Variants in EGFLAM observed in about 807,000 individuals in gnomAD.
EGFLAM encodes the protein EGF like, fibronectin type III and laminin G domains.
EGFLAM carries 79 observed loss-of-function variants against 113.1 expected under a neutral mutation model. That is an observed-to-expected ratio of 0.70 (90% CI 0.58 to 0.84). The LOEUF (loss-of-function observed/expected upper bound fraction) is 0.84, where lower values mean the gene tolerates loss of function less well. Ranked by LOEUF, EGFLAM falls within the 40% of genes least tolerant of loss-of-function variation. The probability of loss-of-function intolerance (pLI) is 0.00; values close to 1 mark genes in which losing one functional copy is unlikely to be tolerated. For missense variants in EGFLAM, 1,265 were observed against 1,291.6 expected (o/e 0.98, Z 0.32); for synonymous variants, 504 against 487.6 (o/e 1.03, Z -0.44).
intron 4 of EGFLAM, among the ~76,000 whole-genome samples, chr5:38,351,433 G>A (rs553382499): frequency 1.2e-4 from 19 of 152,236 alleles, no homozygotes; most frequent in Non-Finnish European, 1.3e-4. Context: ...GGACTGCACC[G>A]GAAGCTGTGG....
At chr5:38,294,895 G>A (rs1363950590) in intron 1 of EGFLAM, among the ~76,000 whole-genome samples, 1 of 151,956 alleles carries the variant, frequency 6.6e-6, no homozygotes, top group Non-Finnish European at 1.5e-5. Flanking sequence ...GCGCAGTCTC[G>A]GCTCACCACA....
chr5:38,395,022 C>T (rs1740920437), intron 6 of EGFLAM, among the ~76,000 whole-genome samples: 1 of 151,830 alleles, frequency 6.6e-6, no homozygotes, highest in South Asian at 2.1e-4. Flanking sequence ...CTCACTACAA[C>T]CTTCGCCTCC....
chr5:38,405,558 A>G (rs1741258638), intron 6 of EGFLAM, among the ~76,000 whole-genome samples: 1 of 152,200 alleles, frequency 6.6e-6, no homozygotes, highest in Non-Finnish European at 1.5e-5. Context: ...CTATAGATAT[A>G]CTATAAATAA....
Position 38,370,276 on chromosome 5 carries a change from T to A in EGFLAM, c.546-20T>A. ...GGTATTTCTGAACTACTGCTTCTTC[T>A]GTTTTTCTAATCAATAAAGGCCAGA... On this transcript the variant is annotated intron_variant, in intron 5 of 21. Coordinates refer to ENST00000322350, the MANE Select transcript of EGFLAM (RefSeq NM_152403.4). 6.2e-7 allele frequency: 1 copy of A among 1,605,360 alleles called. No individual in the cohort carries two copies. The highest frequency in any genetic ancestry group is 8.5e-7 in the Non-Finnish European group (1 of 1,174,366).
At chr5:38,359,179 C>T (rs1282429963) in intron 5 of EGFLAM, among the ~76,000 whole-genome samples, 1 of 152,154 alleles carries the variant, frequency 6.6e-6, no homozygotes, top group Admixed American at 6.5e-5. Context: ...GAAAAACGTT[C>T]CTCATCACTG....
intron 1 of EGFLAM, among the ~76,000 whole-genome samples, chr5:38,275,306 T>C (rs898156743): frequency 7.2e-5 from 11 of 152,196 alleles, no homozygotes; most frequent in African/African-American, 2.7e-4. Context: ...GACCCATCTA[T>C]GCACTGCTTA....
intron 1 of EGFLAM, among the ~76,000 whole-genome samples, chr5:38,264,216 C>T (rs1359229156): frequency 6.6e-6 from 1 of 152,152 alleles, no homozygotes; most frequent in Non-Finnish European, 1.5e-5. Context: ...TTTCCTCCTG[C>T]CTGTCCAGTT....
intron 16 of EGFLAM, among the ~76,000 whole-genome samples, chr5:38,435,623 C>A (rs1457737474): frequency 6.6e-6 from 1 of 152,116 alleles, no homozygotes; most frequent in Non-Finnish European, 1.5e-5. Flanking sequence ...CTGCGCTTCT[C>A]TTTTGCGGTA....
intron 1 of EGFLAM, among the ~76,000 whole-genome samples, chr5:38,275,679 A>G (rs1043534997): frequency 1.3e-5 from 2 of 152,234 alleles, no homozygotes; most frequent in African/African-American, 4.8e-5. Context: ...AAATCAGCAA[A>G]GAAACACTGG....
chr5:38,410,894 G>A (rs1741456765), intron 10 of EGFLAM, among the ~76,000 whole-genome samples: 1 of 152,096 alleles, frequency 6.6e-6, no homozygotes, highest in Non-Finnish European at 1.5e-5. Context: ...TGAGAGTTTG[G>A]AAAGTCCCCA....
intron 1 of EGFLAM, among the ~76,000 whole-genome samples, chr5:38,323,515 T>A (rs1738792778): frequency 6.6e-6 from 1 of 152,256 alleles, no homozygotes; most frequent in Admixed American, 6.5e-5. Flanking sequence ...TCAAATGCTA[T>A]GTTTCTTCAA....
intron 6 of EGFLAM, among the ~76,000 whole-genome samples, chr5:38,388,767 A>C (rs1374834367): frequency 6.6e-6 from 1 of 150,834 alleles, no homozygotes; most frequent in African/African-American, 2.4e-5. Context: ...CACAAAAAAA[A>C]AAAAAAAAAA....
rs1338430370 is a variant in EGFLAM, at chr5:38,452,560, T to C, written c.2687+1102T>C. 3.3e-5 allele frequency among the ~76,000 whole-genome samples: 5 copies of C among 152,270 alleles called. No individual in the cohort carries two copies. The East Asian group carries it at 7.7e-4, about 24-fold the overall frequency. ...TACTGCCAAGCACAAAGGCCAAGCATAGAAGTGAGTACTCAGCCTAAGACT... is the reference window on the plus strand; with the variant it reads ...TACTGCCAAGCACAAAGGCCAAGCACAGAAGTGAGTACTCAGCCTAAGACT... On this transcript the variant is annotated intron_variant, in intron 19 of 21. Coordinates refer to ENST00000322350, the MANE Select transcript of EGFLAM (RefSeq NM_152403.4).
intron 20 of EGFLAM, among the ~76,000 whole-genome samples, chr5:38,461,890 G>A (rs1466883727): frequency 6.6e-6 from 1 of 152,140 alleles, no homozygotes; most frequent in Non-Finnish European, 1.5e-5. Context: ...CACTGGCCGG[G>A]TGCAGTGGCT....
chr5:38,436,160 G>C (rs1422573991), intron 16 of EGFLAM, among the ~76,000 whole-genome samples: 1 of 152,078 alleles, frequency 6.6e-6, no homozygotes, highest in African/African-American at 2.4e-5. Flanking sequence ...TGATCTCTGT[G>C]GTTATGAAGT....
intron 1 of EGFLAM, among the ~76,000 whole-genome samples, chr5:38,301,711 G>A (rs935569738): frequency 6.6e-6 from 1 of 152,150 alleles, no homozygotes; most frequent in Admixed American, 6.5e-5. Flanking sequence ...GAGCTTGAAG[G>A]GGGGTAGGGT....
intron 6 of EGFLAM, among the ~76,000 whole-genome samples, chr5:38,396,844 T>G (rs1056430913): frequency 6.6e-6 from 1 of 152,206 alleles, no homozygotes. Flanking sequence ...ATCTCCTCCA[T>G]CAGCAGGTGG....
At chr5:38,419,431 C>G (rs1243580443) in intron 12 of EGFLAM, among the ~76,000 whole-genome samples, 1 of 152,116 alleles carries the variant, frequency 6.6e-6, no homozygotes, top group East Asian at 1.9e-4. Flanking sequence ...TCTTTTCCCT[C>G]CATCTCTAAG....
At chr5:38,319,134 A>G (rs1200322435) in intron 1 of EGFLAM, among the ~76,000 whole-genome samples, 1 of 152,120 alleles carries the variant, frequency 6.6e-6, no homozygotes, top group Admixed American at 6.6e-5. Context: ...ACCTTGTTCC[A>G]GTGCCCTGTC....
Sources: gnomAD v4.1 joint callset for allele counts (sites outside exome capture counted in the v4.1 genomes callset) on GRCh38, gnomAD v4.1.1 for gene constraint, MANE v1.5 for transcripts, NCBI Gene and HGNC (gene_info 2026-07-23, HGNC 2026-07-21) for gene names.